The following ZNF91 variants were observed in gnomAD, a reference collection of about 807,000 sequenced individuals.
ZNF91 encodes the protein zinc finger protein 91 (HPF7, HTF10).
In ZNF91, 7 loss-of-function variants were observed where a neutral mutation model predicts 12.6. The observed-to-expected ratio is 0.55, with a 90% CI of 0.31 to 1.04. ZNF91 has a LOEUF of 1.04. ZNF91 is among the 50% of genes least tolerant of loss of function. ZNF91 has a pLI of 0.05. For synonymous variants in ZNF91, 453 were observed against 462.6 expected (o/e 0.98, Z 0.27); for missense variants, 1,217 against 1,385.4 (o/e 0.88, Z 1.93).
chr19:23,315,458 T>C (rs137998734), upstream of ZNF91, among the ~76,000 whole-genome samples: 1 of 152,288 alleles, frequency 6.6e-6, no homozygotes, highest in Non-Finnish European at 1.5e-5. Context: ...ACAGAAGGGA[T>C]AATGAATTAC....
In ZNF91 at chr19:23,373,372, ATATATATATATAT is replaced by A. The variant is rs1568395221; in HGVS notation, c.253+357_253+369del. The stretch of plus-strand genomic sequence containing the variant: ...TATATATATATATATATATATATAT[ATATATATATATAT>A]AAATAAACAGTACTTTAAAACCTGT... On this transcript the variant is annotated intron_variant, in intron 3 of 3. Transcript: ENST00000300619. Among the ~76,000 whole-genome samples, 520 of 88,484 alleles carry A rather than the reference ATATATATATATAT, an allele frequency of 5.9e-3. 6 individuals carry two copies. The highest frequency in any genetic ancestry group is 0.023 in the South Asian group (77 of 3,402). The allele number at this position is 88,484 out of a possible 152,430, so 58.0% of individuals were successfully genotyped here.
At chr19:23,313,511 CTTGCTAACAGAGAACA>C (rs934902230), upstream of ZNF91, among the ~76,000 whole-genome samples, 14 of 152,284 alleles carry the variant, frequency 9.2e-5, 1 homozygote, top group African/African-American at 3.4e-4. Flanking sequence ...CTTCATGTTC[CTTGCTAACAGAGAACA>C]TTGTAATTTA....
At chr19:23,366,973 T>A (rs1233056167) in intron 3 of ZNF91, among the ~76,000 whole-genome samples, 1 of 152,224 alleles carries the variant, frequency 6.6e-6, no homozygotes, top group Non-Finnish European at 1.5e-5. Flanking sequence ...TGTATTCTGT[T>A]ACGACACATA....
At chr19:23,385,073 G>C in intron 1 of ZNF91, 1 of 1,018,482 alleles carries the variant, frequency 9.8e-7, no homozygotes. Context: ...TCTCAGTCCA[G>C]ACAGGGCAGG....
At chr19:23,322,201 G>T (rs1205998693) in intron 1 of ZNF91, among the ~76,000 whole-genome samples, 3 of 152,214 alleles carry the variant, frequency 2.0e-5, no homozygotes, top group Non-Finnish European at 2.9e-5. Flanking sequence ...ACCCACAGAA[G>T]GCATTGTGCC....
At chr19:23,352,429 C>T (rs750121476) in intron 3 of ZNF91, among the ~76,000 whole-genome samples, 3 of 152,086 alleles carry the variant, frequency 2.0e-5, no homozygotes, top group African/African-American at 7.2e-5. Context: ...TAGCACCTCC[C>T]GCACCCAATG....
chr19:23,337,774 A>T (rs1599698894), downstream of ZNF91: 1 of 152,114 alleles, frequency 6.6e-6, no homozygotes, highest in East Asian at 1.9e-4. Flanking sequence ...TTTAGAGTCC[A>T]AATGGGAAAT....
chr19:23,350,479 C>T (rs1188841220), intron 3 of ZNF91, among the ~76,000 whole-genome samples: 1 of 152,154 alleles, frequency 6.6e-6, no homozygotes, highest in African/African-American at 2.4e-5. Flanking sequence ...ACGATGGATA[C>T]CAACCCGTCT....
intron 3 of ZNF91, among the ~76,000 whole-genome samples, chr19:23,341,564 T>C (rs555186366): frequency 6.4e-4 from 97 of 151,618 alleles, no homozygotes; most frequent in African/African-American, 2.3e-3. Context: ...TAAAAAATGG[T>C]TGAAAGAGTG....
chr19:23,332,798 G>A (rs866119233), intron 1 of ZNF91, among the ~76,000 whole-genome samples: 6 of 152,166 alleles, frequency 3.9e-5, no homozygotes, highest in Middle Eastern at 3.2e-3. Context: ...TGCATAGGTC[G>A]TGTTACTACA....
At chr19:23,368,286 T>A (rs908521114) in intron 3 of ZNF91, among the ~76,000 whole-genome samples, 17 of 151,432 alleles carry the variant, frequency 1.1e-4, no homozygotes, top group Non-Finnish European at 4.4e-5. Flanking sequence ...CTGAGATAGG[T>A]GGATCACAAG....
downstream of ZNF91, chr19:23,338,540 T>C (rs78105117): frequency 1.1e-4 from 17 of 152,106 alleles, no homozygotes; most frequent in East Asian, 3.3e-3. Flanking sequence ...AAACAAGAGA[T>C]TGATATTCAC....
chr19:23,333,494 G>T (rs1346922489), intron 1 of ZNF91, among the ~76,000 whole-genome samples: 1 of 152,172 alleles, frequency 6.6e-6, no homozygotes, highest in Non-Finnish European at 1.5e-5. Context: ...TAAGCAGGAG[G>T]AGCCACATGT....
At chr19:23,325,763 T>C (rs1033796666) in intron 1 of ZNF91, 1 of 152,246 alleles carries the variant, frequency 6.6e-6, no homozygotes, top group African/African-American at 2.4e-5. Flanking sequence ...AAGGTCCTCA[T>C]TGAGTCATAA....
intron 1 of ZNF91, chr19:23,324,468 T>C (rs984359599): frequency 7.9e-5 from 12 of 152,012 alleles, no homozygotes; most frequent in African/African-American, 2.7e-4. Flanking sequence ...TGTGCATTTA[T>C]ATTAGCTTTT....
At chr19:23,323,745 CCTCT>C (rs748515761) in intron 1 of ZNF91, among the ~76,000 whole-genome samples, 1 of 105,992 alleles carries the variant, frequency 9.4e-6, no homozygotes, top group Non-Finnish European at 1.8e-5. Flanking sequence ...ATTCTCCTCT[CCTCT>C]TTTTCTCATT....
chr19:23,379,540 TAGA>T (rs1249957315), intron 1 of ZNF91, among the ~76,000 whole-genome samples: 1 of 152,136 alleles, frequency 6.6e-6, no homozygotes, highest in Non-Finnish European at 1.5e-5. Context: ...AGTTCACAAG[TAGA>T]AGAATTTACA....
At chr19:23,395,079 G>A (rs1340368845) in intron 1 of ZNF91, among the ~76,000 whole-genome samples, 2 of 152,172 alleles carry the variant, frequency 1.3e-5, no homozygotes, top group Non-Finnish European at 2.9e-5. Context: ...GAGCAGAGCT[G>A]CCCAGAGAGG....
chr19:23,330,166 A>T (rs1487914496), intron 1 of ZNF91, among the ~76,000 whole-genome samples: 1 of 152,032 alleles, frequency 6.6e-6, no homozygotes, highest in Non-Finnish European at 1.5e-5. Context: ...GCTCGCCTCT[A>T]CTAAATATAT....
Sources: allele counts gnomAD v4.1 joint callset (sites outside exome capture counted in the v4.1 genomes callset), GRCh38; gene constraint gnomAD v4.1.1; transcripts MANE v1.5; gene names NCBI Gene and HGNC (gene_info 2026-07-23, HGNC 2026-07-21).